PLG: variants seen among roughly 807,000 people sequenced by gnomAD.
PLG encodes the protein plasmin.
A neutral mutation model predicts 104.4 loss-of-function variants in PLG; 41 were observed. That is an observed-to-expected ratio of 0.39 (90% CI 0.31 to 0.51). The LOEUF is 0.51. Among genes scored for constraint, PLG ranks in the 20% least tolerant of loss-of-function variants. The pLI, the probability that PLG is intolerant of heterozygous loss-of-function variation, is 0.76. For synonymous variants in PLG, 337 were observed against 357.1 expected, an observed-to-expected ratio of 0.94 and a Z score of 0.63; for missense variants, 891 against 1,003.6, an observed-to-expected ratio of 0.89 and a Z score of 1.52.
Position 160,752,280 on chromosome 6 carries a change from C to T in PLG, c.2271+20C>T. 6.2e-7 allele frequency: 1 copy of T among 1,608,740 alleles called. No homozygotes were observed. The highest frequency in any genetic ancestry group is 8.5e-7 in the Non-Finnish European group (1 of 1,175,082). On this transcript the variant is annotated intron_variant, in intron 18 of 18. Transcript: ENST00000308192. The surrounding 1 kb of genome is among the most constrained non-coding windows in gnomAD (Gnocchi z 4.7). ...TGCCAGGTAAGCAAAGATCAAGAGA[C>T]CAAAGTTAGTCTTGTGCTCTCTTGT...
rs1322996384 is a variant in PLG, at chr6:160,713,078, C to T, written c.500C>T (p.Thr167Ile). Residue 167 changes from threonine (T) to isoleucine (I), a missense_variant, in exon 5 of 19, where the codon ACT (threonine) becomes ATT (isoleucine). Around this residue, in one of 2 missense-constraint regions of PLG, gnomAD observed 854 missense variants for 932.1 expected, o/e 0.92. Coordinates refer to ENST00000308192, the MANE Select transcript of PLG (RefSeq NM_000301.5). Reference protein sequence around the residue: ...NDPQGPWCYTTDPEKRYDYCD... With the variant: ...NDPQGPWCYTIDPEKRYDYCD... The stretch of plus-strand genomic sequence containing the variant: ...CCGCAGGGGCCCTGGTGCTATACTA[C>T]TGATCCAGAAAAGAGATATGACTAC... 1.2e-6 allele frequency: 2 copies of T among 1,609,622 alleles called. No homozygotes were observed. Among genetic ancestry groups the T allele is most frequent in the South Asian group, 1.1e-5 (1 of 90,934 alleles).
In PLG at chr6:160,723,322, C is replaced by T. The variant is rs1278366236; in HGVS notation, c.1256+755C>T. 6.6e-6 allele frequency among the ~76,000 whole-genome samples: 1 copy of T among 152,034 alleles called. No individual in the cohort carries two copies. The highest frequency in any genetic ancestry group is 1.9e-4 in the East Asian group (1 of 5,190). On this transcript the variant is annotated intron_variant, in intron 10 of 18. Transcript: ENST00000308192. This position sits in a 1 kb window ranked among gnomAD's most constrained non-coding sequence, Gnocchi z 4.7. ...AGAGGCCATTAGATGAACAGAAAACCAGGTCTAACAAGGACAGCTTTTCTT... is the reference window on the plus strand; with the variant it reads ...AGAGGCCATTAGATGAACAGAAAACTAGGTCTAACAAGGACAGCTTTTCTT...
Position 160,734,731 on chromosome 6 carries a change from C to T in PLG, c.1681+643C>T, listed in dbSNP as rs1428128398. Among the ~76,000 whole-genome samples the T allele has an allele frequency of 1.4e-5, 2 of 143,342 alleles. No individual in the cohort carries two copies. The highest frequency in any genetic ancestry group is 2.7e-5 in the African/African-American group (1 of 37,140). The allele number at this position is 143,342 out of a possible 152,430, so 94.0% of individuals were successfully genotyped here. ...TTCTTAAAGAATTGGAATAACAAAT[C>T]CATGGGTATTTCTGAAAAAAAAAAA... is the stretch of plus-strand genomic sequence containing the variant. On this transcript the variant is annotated intron_variant, in intron 13 of 18. Transcript: ENST00000308192. This position sits in a 1 kb window ranked among gnomAD's most constrained non-coding sequence, Gnocchi z 4.4.
chr6:160,741,253 TG>T lies in PLG; in HGVS notation c.2019-55del. On this transcript the variant is annotated intron_variant, in intron 16 of 18. Transcript: ENST00000308192. This position sits in a 1 kb window ranked among gnomAD's most constrained non-coding sequence, Gnocchi z 4.7. ...GCCTCAAGACAGGGATGACTGGTTG[TG>T]GGTACTGCAGCTGCGAGCAGAGCAG... The T allele has an allele frequency of 8.5e-7, 1 of 1,178,010 alleles. No homozygotes were observed. Among genetic ancestry groups the T allele is most frequent in the Non-Finnish European group, 1.3e-6 (1 of 782,928 alleles). 73.0% of individuals were successfully genotyped at this position (1,178,010 alleles called of 1,614,324 possible).
At chr6:160,707,571 G>A in intron 2 of PLG, 129 bp from the exon 3 acceptor site, 1 of 951,550 alleles carries the variant, frequency 1.1e-6, no homozygotes. Flanking sequence ...AACTGAAAGA[G>A]GCAGCAATTC....
intron 1 of PLG, chr6:160,705,469 C>T (rs546815516): frequency 6.6e-6 from 1 of 152,216 alleles, no homozygotes; most frequent in Non-Finnish European, 1.5e-5. Flanking sequence ...AATCCAGATA[C>T]CTGTCAACAC....
chr6:160,714,532 C>G (rs947685404), intron 5 of PLG, among the ~76,000 whole-genome samples: 5 of 152,166 alleles, frequency 3.3e-5, no homozygotes, highest in African/African-American at 4.8e-5. Flanking sequence ...AAATTCTGAA[C>G]TTGGTCATGA....
chr6:160,718,023 G>A (rs1474449841), intron 7 of PLG, among the ~76,000 whole-genome samples: 1 of 152,124 alleles, frequency 6.6e-6, no homozygotes, highest in Non-Finnish European at 1.5e-5. Context: ...AGGCCGAGGT[G>A]GGCGGATCAC....
rs1467935904 is a variant in PLG at position 160,731,430 on chromosome 6, G to T, written c.1438+198G>T. Among the ~76,000 whole-genome samples, 1 of 152,184 alleles carries T rather than the reference G, an allele frequency of 6.6e-6. No individual in the cohort carries two copies. The highest frequency in any genetic ancestry group is 1.5e-5 in the Non-Finnish European group (1 of 68,026). On this transcript the variant is annotated intron_variant, in intron 11 of 18. Transcript: ENST00000308192. The surrounding 1 kb of genome is among the most constrained non-coding windows in gnomAD (Gnocchi z 5.1). ...TTTTGGCACAACGTGAGTGGGCTGT[G>T]CCTTTAGGACAGGTGCAAACCCTCC...
In PLG at chr6:160,735,203, G is replaced by A. The variant is rs928716694; in HGVS notation, c.1681+1115G>A. Among the ~76,000 whole-genome samples the A allele has an allele frequency of 2.6e-5, 4 of 152,138 alleles. No homozygotes were observed. Among genetic ancestry groups the A allele is most frequent in the African/African-American group, 4.8e-5 (2 of 41,412 alleles). ...ACCTCTAACTCAAAGTCCCTCGATG[G>A]AGTCAGTTCCAGTTCTCCACTTCTG... is the stretch of plus-strand genomic sequence containing the variant. On this transcript the variant is annotated intron_variant, in intron 13 of 18. Coordinates refer to ENST00000308192, the MANE Select transcript of PLG (RefSeq NM_000301.5). This position sits in a 1 kb window ranked among gnomAD's most constrained non-coding sequence, Gnocchi z 5.4.
At chr6:160,709,985 G>A (rs530722085) in intron 3 of PLG, among the ~76,000 whole-genome samples, 153 of 152,276 alleles carry the variant, frequency 1.0e-3, no homozygotes, top group African/African-American at 3.3e-3. Context: ...TTTCTTCTTC[G>A]AATATGGGGT....
chr6:160,712,561 C>G (rs1777663691), intron 4 of PLG, among the ~76,000 whole-genome samples: 1 of 152,018 alleles, frequency 6.6e-6, no homozygotes, highest in Admixed American at 6.6e-5. Flanking sequence ...TTTATTAGGA[C>G]TAAAAGAGAG....
At chr6:160,703,421 TC>T (rs1311967819) in intron 1 of PLG, among the ~76,000 whole-genome samples, 1 of 152,186 alleles carries the variant, frequency 6.6e-6, no homozygotes, top group African/African-American at 2.4e-5. Context: ...CACTCCACTC[TC>T]CTTAGCTGTT....
At chr6:160,746,487 A>C (rs895352060) in intron 17 of PLG, among the ~76,000 whole-genome samples, 1 of 152,164 alleles carries the variant, frequency 6.6e-6, no homozygotes, top group Non-Finnish European at 1.5e-5. Context: ...TGTCAGATCC[A>C]TTAGGTTCTT....
Position 160,731,122 on chromosome 6 carries a change from G to A in PLG, c.1328G>A (p.Ser443Asn), listed in dbSNP as rs746995108. The A allele has an allele frequency of 6.2e-7, 1 of 1,613,956 alleles. No individual in the cohort carries two copies. The highest frequency in any genetic ancestry group is 2.2e-5 in the East Asian group (1 of 44,872). Residue 443 changes from serine to asparagine, a missense_variant, in exon 11 of 19, where the codon AGC (serine) becomes AAC (asparagine). By Grantham distance (46) the Ser-to-Asn change is conservative. Transcript: ENST00000308192. The surrounding 1 kb of genome is among the most constrained non-coding windows in gnomAD (Gnocchi z 5.1). ...CCCTGGTGTTTTACCACAGACCCCA[G>A]CGTCAGGTGGGAGTACTGCAACCTG... ...KGPWCFTTDP[S>N]VRWEYCNLKK...
chr6:160,703,356 AGT>A (rs1777457452), intron 1 of PLG, among the ~76,000 whole-genome samples: 1 of 152,178 alleles, frequency 6.6e-6, no homozygotes, highest in Non-Finnish European at 1.5e-5. Context: ...AGATATTGAG[AGT>A]TGTGCAGCCA....
At position 160,732,079 on chromosome 6, in the gene PLG, G is replaced by A. The variant is rs1020942801; in HGVS notation, c.1587+186G>A. Among the ~76,000 whole-genome samples the A allele has an allele frequency of 3.3e-5, 5 of 152,194 alleles. No homozygotes were observed. The highest frequency in any genetic ancestry group is 5.9e-5 in the Non-Finnish European group (4 of 68,040). On this transcript the variant is annotated intron_variant, in intron 12 of 18. Transcript: ENST00000308192. The surrounding 1 kb of genome is among the most constrained non-coding windows in gnomAD (Gnocchi z 4.5). ...AATATAATTGGCCTTAGTATGGAAA[G>A]TACAAGCAGCACAGGCCAGGAAACC... is the stretch of plus-strand genomic sequence containing the variant.
intron 17 of PLG, among the ~76,000 whole-genome samples, chr6:160,749,796 C>T (rs1778369831): frequency 6.6e-6 from 1 of 151,548 alleles, no homozygotes; most frequent in Admixed American, 6.6e-5. Flanking sequence ...CATTACTACC[C>T]ACCACCATCA....
chr6:160,748,392 GAAAGAAA>G lies in PLG; in HGVS notation c.2126-3722_2126-3716del, dbSNP rs1296842997. 5.9e-4 allele frequency among the ~76,000 whole-genome samples: 27 copies of G among 45,542 alleles called. 2 individuals are homozygous for G. The highest frequency in any genetic ancestry group is 1.8e-3 in the African/African-American group (25 of 13,632). The allele number at this position is 45,542 out of a possible 152,430, so 29.9% of individuals were successfully genotyped here. On this transcript the variant is annotated intron_variant, in intron 17 of 18. Transcript: ENST00000308192. ...AGAAAGAAAGAAAGAAAGAAAGAAA[GAAAGAAA>G]GGAAGAAAGAAAGAAAGGGAAAGAA...
Sources: allele counts gnomAD v4.1 joint callset (sites outside exome capture counted in the v4.1 genomes callset), GRCh38; gene constraint gnomAD v4.1.1; regional missense constraint gnomAD v4.1.1; non-coding constraint Gnocchi (gnomAD v3.1); transcripts MANE v1.5; gene names NCBI Gene and HGNC (gene_info 2026-07-23, HGNC 2026-07-21).